Variants in KLHL33 observed in about 807,000 individuals in gnomAD.
KLHL33 encodes the protein kelch-like protein 33.
A neutral mutation model predicts 60.8 loss-of-function variants in KLHL33; 46 were observed. The observed-to-expected ratio is 0.76, with a 90% CI of 0.60 to 0.97. KLHL33 has a LOEUF of 0.97. Among genes scored for constraint, KLHL33 ranks in the 50% least tolerant of loss-of-function variants. KLHL33 has a pLI of 0.00. For missense variants in KLHL33, 1,055 were observed against 1,000.0 expected (o/e 1.05, Z -0.74); for synonymous variants, 434 against 432.2 (o/e 1.00, Z -0.05).
chr14:20,429,322 A>T lies in KLHL33; in HGVS notation c.1921T>A (p.Cys641Ser), dbSNP rs1369150224. The T allele has an allele frequency of 3.9e-6, 6 of 1,551,582 alleles. No homozygotes were observed. Among genetic ancestry groups the T allele is most frequent in the Non-Finnish European group, 5.2e-6 (6 of 1,147,004 alleles). The change falls in exon 5 of 5, where the codon TGT (cysteine) becomes AGT (serine). Residue 641 changes from cysteine to serine, a missense_variant. By Grantham distance (112) the Cys-to-Ser change is moderately radical. Transcript: ENST00000636854. ...GCCAGGTATTGGCCAGTCCCACCAC[A>T]GCCACCGCTCACGTACAACTGGCCC... ...LEGQLYVSGGCGGTGQYLASL... is the reference protein window; with the variant it reads ...LEGQLYVSGGSGGTGQYLASL...
chr14:20,428,703 A>C lies in KLHL33; in HGVS notation c.*146T>G. On this transcript the variant is annotated 3_prime_UTR_variant, in exon 5 of 5. Coordinates refer to ENST00000636854, the MANE Select transcript of KLHL33 (RefSeq NM_001365790.2). ...TGGAACCACCATTTCCTCAACGGAG[A>C]TCATACGTACAAAAGCAGTTTACAA... The C allele has an allele frequency of 1.4e-6, 1 of 734,038 alleles. No individual in the cohort carries two copies. Among genetic ancestry groups the C allele is most frequent in the South Asian group, 2.0e-5 (1 of 50,820 alleles). 45.5% of individuals were successfully genotyped at this position (734,038 alleles called of 1,614,324 possible). A position where few individuals can be genotyped will look rare whatever the true frequency, so the allele number is the denominator to read the frequency against.
chr14:20,430,348 C>A lies in KLHL33; in HGVS notation c.1120G>T (p.Ala374Ser), dbSNP rs533271523. The change falls in exon 3 of 5, where the codon GCT (alanine) becomes TCT (serine). Residue 374 changes from alanine to serine, a missense_variant. Coordinates refer to ENST00000636854, the MANE Select transcript of KLHL33 (RefSeq NM_001365790.2). The part of the protein sequence containing the change: ...THLPAVALCP[A>S]FPSLPAACLA... ...CAGGCAGCTGGTAAAGAAGGGAAAG[C>A]AGGACACAAGGCTACAGCAGGCAGG... 4.5e-6 allele frequency: 7 copies of A among 1,551,926 alleles called. No homozygotes were observed. The South Asian group carries it at 7.1e-5, about 16-fold the overall frequency.
rs761263954 is a variant in KLHL33, at chr14:20,429,254, C to T, written c.1989G>A (p.Thr663=). 28 of 1,551,636 alleles carry T rather than the reference C, an allele frequency of 1.8e-5. No homozygotes were observed. Among genetic ancestry groups the T allele is most frequent in the East Asian group, 2.4e-5 (1 of 40,926 alleles). Residue 663 remains threonine (T), a synonymous_variant, in exon 5 of 5, where the codon ACG becomes ACA. Transcript: ENST00000636854. ...HYDPKLEKPG[T]FLSPMGVPRA... ...GAGGTACCCCCATAGGGCTCAGAAA[C>T]GTCCCTGGCTTCTCAAGTTTGGGGT...
rs567566754 is a variant in KLHL33 at position 20,431,846 on chromosome 14, G to A, written c.749-1127C>T. Among the ~76,000 whole-genome samples, 15 of 152,350 alleles carry A rather than the reference G, an allele frequency of 9.8e-5. No individual in the cohort carries two copies. The South Asian group carries it at 2.1e-3, about 21-fold the overall frequency. On this transcript the variant is annotated intron_variant, in intron 2 of 4. Coordinates refer to ENST00000636854, the MANE Select transcript of KLHL33 (RefSeq NM_001365790.2). Reference sequence around the variant, plus strand: ...ATCATCTCCATCCACTGCCACTGATGTCAGGCTGCAATAAGCATGCTTGTG... The same window carrying A: ...ATCATCTCCATCCACTGCCACTGATATCAGGCTGCAATAAGCATGCTTGTG...
At position 20,429,341 on chromosome 14, in the gene KLHL33, C is replaced by T. The variant is rs1308399809; in HGVS notation, c.1902G>A (p.Gln634=). Residue 634 remains glutamine, a synonymous_variant, in exon 5 of 5, where the codon CAG becomes CAA. Coordinates refer to ENST00000636854, the MANE Select transcript of KLHL33 (RefSeq NM_001365790.2). ...FAHAAAILEG[Q]LYVSGGCGGT... Reference sequence around the variant, plus strand: ...CACCACAGCCACCGCTCACGTACAACTGGCCCTCCAAAATCGCAGCTGCGT... The same window carrying T: ...CACCACAGCCACCGCTCACGTACAATTGGCCCTCCAAAATCGCAGCTGCGT... 1.3e-6 allele frequency: 2 copies of T among 1,551,776 alleles called. No individual in the cohort carries two copies. Among genetic ancestry groups the T allele is most frequent in the Admixed American group, 2.0e-5 (1 of 51,016 alleles).
intron 2 of KLHL33, among the ~76,000 whole-genome samples, chr14:20,434,167 T>C (rs1015374032): frequency 6.6e-6 from 1 of 152,174 alleles, no homozygotes; most frequent in African/African-American, 2.4e-5. Context: ...ACCCAGTGCC[T>C]CACTAAATGT....
Position 20,435,789 on chromosome 14 carries a change from T to C in KLHL33, c.23A>G (p.His8Arg). 1 of 1,234,542 alleles carries C rather than the reference T, an allele frequency of 8.1e-7. No homozygotes were observed. The highest frequency in any genetic ancestry group is 1.5e-5 in the African/African-American group (1 of 64,566). The allele number at this position is 1,234,542 out of a possible 1,614,324, so 76.5% of individuals were successfully genotyped here. The part of the protein sequence containing the change: MSVSDTP[H>R]YPPELESVSH... ...GACACTCTCCAGCTCAGGGGGATAATGTGGGGTGTCCGAGACGCTCATGCC... is the reference window on the plus strand; with the variant it reads ...GACACTCTCCAGCTCAGGGGGATAACGTGGGGTGTCCGAGACGCTCATGCC... The change falls in exon 2 of 5, where the codon CAT becomes CGT. Residue 8 changes from histidine to arginine, a missense_variant. His to Arg is a conservative substitution (Grantham distance 29, BLOSUM62 0). Coordinates refer to ENST00000636854, the MANE Select transcript of KLHL33 (RefSeq NM_001365790.2).
chr14:20,435,085 C>T lies in KLHL33; in HGVS notation c.727G>A (p.Ala243Thr). ...TCACCCGACAGCTGGCAGCCGCCTG[C>T]CTCCAGCTTCAAGTCACACCCGACG... Reference protein sequence around the residue: ...EGVGCDLKLEAGGCQLSVHRA... With the variant: ...EGVGCDLKLETGGCQLSVHRA... Residue 243 changes from alanine to threonine, a missense_variant, in exon 2 of 5, where the codon GCA becomes ACA. Coordinates refer to ENST00000636854, the MANE Select transcript of KLHL33 (RefSeq NM_001365790.2). The T allele has an allele frequency of 8.1e-7, 1 of 1,234,600 alleles. No individual in the cohort carries two copies. Among genetic ancestry groups the T allele is most frequent in the Non-Finnish European group, 1.0e-6 (1 of 988,278 alleles). The allele number at this position is 1,234,600 out of a possible 1,614,324, so 76.5% of individuals were successfully genotyped here.
In KLHL33 at chr14:20,429,369, G is replaced by A; in HGVS notation, c.1874C>T (p.Ala625Val). ...GCCCTCCAAAATCGCAGCTGCGTGG[G>A]CAAAACATGGTGCTGGAAGTGCAGG... is the stretch of plus-strand genomic sequence containing the variant. ...PAPALPAPCF[A>V]HAAAILEGQL... is the part of the protein sequence containing the mutation. The change falls in exon 5 of 5, where the codon GCC (alanine) becomes GTC (valine). Residue 625 changes from alanine to valine, a missense_variant. Physicochemically the swap from Ala to Val is moderately conservative, Grantham distance 64. Coordinates refer to ENST00000636854, the MANE Select transcript of KLHL33 (RefSeq NM_001365790.2). 1.3e-6 allele frequency: 2 copies of A among 1,551,718 alleles called. No individual in the cohort carries two copies.
Position 20,428,204 on chromosome 14 carries a change from C to T in KLHL33, c.*645G>A, listed in dbSNP as rs995712919. 5.9e-5 allele frequency: 9 copies of T among 152,518 alleles called. No individual in the cohort carries two copies. The highest frequency in any genetic ancestry group is 1.9e-4 in the African/African-American group (8 of 41,592). The allele number at this position is 152,518 out of a possible 1,614,324, so 9.4% of individuals were successfully genotyped here. ...GCCCTGGGGGGCCCGTCAGGCCTCTCAGGCCCCTGTGCCGTGCATGTCCAT... is the reference window on the plus strand; with the variant it reads ...GCCCTGGGGGGCCCGTCAGGCCTCTTAGGCCCCTGTGCCGTGCATGTCCAT... On this transcript the variant is annotated 3_prime_UTR_variant, in exon 5 of 5. Transcript: ENST00000636854.
chr14:20,427,523 T>C lies in KLHL33; in HGVS notation c.*1326A>G, dbSNP rs1306496993. ...AATGCATTCCCCCTTCTCTAATGGGTGAGACTCTAGGCAGCCTTTAAGATC... is the reference window on the plus strand; with the variant it reads ...AATGCATTCCCCCTTCTCTAATGGGCGAGACTCTAGGCAGCCTTTAAGATC... On this transcript the variant is annotated 3_prime_UTR_variant, in exon 5 of 5. Transcript: ENST00000636854. 1 of 152,196 alleles carries C rather than the reference T, an allele frequency of 6.6e-6. No homozygotes were observed. The highest frequency in any genetic ancestry group is 1.5e-5 in the Non-Finnish European group (1 of 68,036). The allele number at this position is 152,196 out of a possible 1,614,324, so 9.4% of individuals were successfully genotyped here. A position where few individuals can be genotyped will look rare whatever the true frequency, so the allele number is the denominator to read the frequency against.
In KLHL33 at chr14:20,429,208, C is replaced by T. The variant is rs1472991843; in HGVS notation, c.2035G>A (p.Ala679Thr). ...GVPRAGHVMAALGGRLYVAGG... is the reference protein window; with the variant it reads ...GVPRAGHVMATLGGRLYVAGG... ...GCCACATACAACCTCCCACCCAATGCAGCCATGACATGGCCAGCCCGAGGT... is the reference window on the plus strand; with the variant it reads ...GCCACATACAACCTCCCACCCAATGTAGCCATGACATGGCCAGCCCGAGGT... Residue 679 changes from alanine (A) to threonine (T), a missense_variant, in exon 5 of 5, where the codon GCA (alanine) becomes ACA (threonine). Transcript: ENST00000636854. The T allele has an allele frequency of 2.6e-6, 4 of 1,551,608 alleles. No individual in the cohort carries two copies. The highest frequency in any genetic ancestry group is 2.6e-6 in the Non-Finnish European group (3 of 1,146,998).
chr14:20,432,929 A>AGAAAGAAG (rs1158520953), intron 2 of KLHL33, among the ~76,000 whole-genome samples: 4 of 138,406 alleles, frequency 2.9e-5, no homozygotes, highest in Non-Finnish European at 3.1e-5. Context: ...CTCAAAAAAA[A>AGAAAGAAG]GAAAGAAAGA....
chr14:20,435,508 C>A lies in KLHL33; in HGVS notation c.304G>T (p.Glu102Ter). The change falls in exon 2 of 5, where the codon GAG becomes TAG. Residue 102 changes from glutamate (E) to a stop codon, truncating the protein, a stop_gained. Coordinates refer to ENST00000636854, the MANE Select transcript of KLHL33 (RefSeq NM_001365790.2). LOFTEE classifies it high-confidence loss of function. ...CTCTGCTCCCGCAGCCGCTGGGCCT[C>A]GGCGAAAAACTGGCTCGGATGCTCC... ...SEEHPSQFFA[E>*]AQRLREQRLL... is the part of the protein sequence containing the mutation. 8.1e-7 allele frequency: 1 copy of A among 1,234,752 alleles called. No individual in the cohort carries two copies. The highest frequency in any genetic ancestry group is 1.0e-6 in the Non-Finnish European group (1 of 988,446). 76.5% of individuals were successfully genotyped at this position (1,234,752 alleles called of 1,614,324 possible).
chr14:20,429,741 C>A, intron 3 of KLHL33, 54 bp downstream of exon 3: 2 of 1,526,612 alleles, frequency 1.3e-6, no homozygotes, highest in Non-Finnish European at 1.8e-6. Context: ...AGCAATTTCT[C>A]TCCCTGCCCA....
chr14:20,428,096 G>C lies in KLHL33; in HGVS notation c.*753C>G, dbSNP rs1363587657. ...TTCCACCCCATCTCCTTAAACCTCA[G>C]ATCATCTGTTTTTCCACTGTGGGCC... On this transcript the variant is annotated 3_prime_UTR_variant, in exon 5 of 5. Coordinates refer to ENST00000636854, the MANE Select transcript of KLHL33 (RefSeq NM_001365790.2). The C allele has an allele frequency of 6.6e-6, 1 of 152,374 alleles. No individual in the cohort carries two copies. Among genetic ancestry groups the C allele is most frequent in the Non-Finnish European group, 1.5e-5 (1 of 68,166 alleles). 9.4% of individuals were successfully genotyped at this position (152,374 alleles called of 1,614,324 possible).
At position 20,430,096 on chromosome 14, in the gene KLHL33, C is replaced by T. The variant is rs1566499889; in HGVS notation, c.1372G>A (p.Val458Ile). The change falls in exon 3 of 5, where the codon GTA becomes ATA. Residue 458 changes from valine (V) to isoleucine (I), a missense_variant. By Grantham distance (29) the Val-to-Ile change is conservative. Coordinates refer to ENST00000636854, the MANE Select transcript of KLHL33 (RefSeq NM_001365790.2). Reference sequence around the variant, plus strand: ...TCTTGGCCTGGAACATCAGCCTCTACCATCAGCTGGTGCAACAGATCTGGG... The same window carrying T: ...TCTTGGCCTGGAACATCAGCCTCTATCATCAGCTGGTGCAACAGATCTGGG... ...LTPDLLHQLM[V>I]EADVPGQERR... is the part of the protein sequence containing the mutation. 1.9e-6 allele frequency: 3 copies of T among 1,551,756 alleles called. No individual in the cohort carries two copies. The highest frequency in any genetic ancestry group is 2.6e-6 in the Non-Finnish European group (3 of 1,147,022).
Position 20,426,698 on chromosome 14 carries a change from A to C in KLHL33, c.*2151T>G, listed in dbSNP as rs112634875. 2.0e-4 allele frequency: 31 copies of C among 152,222 alleles called. No homozygotes were observed. Among genetic ancestry groups the C allele is most frequent in the African/African-American group, 7.2e-4 (30 of 41,534 alleles). The allele number at this position is 152,222 out of a possible 1,614,324, so 9.4% of individuals were successfully genotyped here. A position where few individuals can be genotyped will look rare whatever the true frequency, so the allele number is the denominator to read the frequency against. ...CATTACTGGGTATATGCCCAAAGGA[A>C]TATAAATCATGCCGCTATAAAGACA... On this transcript the variant is annotated 3_prime_UTR_variant, in exon 5 of 5. Coordinates refer to ENST00000636854, the MANE Select transcript of KLHL33 (RefSeq NM_001365790.2).
Position 20,426,975 on chromosome 14 carries a change from T to A in KLHL33, c.*1874A>T, listed in dbSNP as rs565091532. ...GCATGTTCTCACTCATAGGTGGGAA[T>A]TGAACAATGAGAACACGTGGACACA... is the stretch of plus-strand genomic sequence containing the variant. On this transcript the variant is annotated 3_prime_UTR_variant, in exon 5 of 5. Transcript: ENST00000636854. The A allele has an allele frequency of 1.5e-5, 2 of 130,654 alleles. No homozygotes were observed. Among genetic ancestry groups the A allele is most frequent in the African/African-American group, 5.9e-5 (2 of 33,912 alleles). 8.1% of individuals were successfully genotyped at this position (130,654 alleles called of 1,614,324 possible). A position where few individuals can be genotyped will look rare whatever the true frequency, so the allele number is the denominator to read the frequency against.
Sources: allele counts gnomAD v4.1 joint callset (sites outside exome capture counted in the v4.1 genomes callset), GRCh38; gene constraint gnomAD v4.1.1; transcripts MANE v1.5; gene names NCBI Gene and HGNC (gene_info 2026-07-23, HGNC 2026-07-21).